ZNF367: variants seen among roughly 807,000 people sequenced by gnomAD.
ZNF367 encodes C2H2 zinc finger protein ZFF29.
In ZNF367, 11 loss-of-function variants were observed where a neutral mutation model predicts 31.8. The observed-to-expected ratio is 0.35, with a 90% CI of 0.22 to 0.57. The LOEUF (loss-of-function observed/expected upper bound fraction) is 0.57. Ranked by LOEUF, ZNF367 falls within the 20% of genes least tolerant of loss-of-function variation. ZNF367 has a pLI of 0.85. For synonymous variants in ZNF367, 199 were observed against 202.4 expected, an observed-to-expected ratio of 0.98 and a Z score of 0.14; for missense variants, 353 against 484.1, an observed-to-expected ratio of 0.73 and a Z score of 2.54.
At chr9:96,407,141 A>G in intron 1 of ZNF367, 1 of 587,450 alleles carries the variant, frequency 1.7e-6, no homozygotes. Context: ...GCAACATAGC[A>G]AGACCCCATC....
At chr9:96,400,980 C>G (rs562177841) in intron 1 of ZNF367, among the ~76,000 whole-genome samples, 19 of 152,300 alleles carry the variant, frequency 1.2e-4, no homozygotes, top group African/African-American at 4.6e-4. Context: ...AATCCCAACA[C>G]TTTGGGAGGC....
At chr9:96,389,522 G>A (rs67022147) in intron 4 of ZNF367, among the ~76,000 whole-genome samples, 4,237 of 151,856 alleles carry the variant, frequency 0.028, 73 homozygotes, top group Middle Eastern at 0.058. Context: ...GGGACAGGGA[G>A]GAATGTGTAG....
intron 1 of ZNF367, chr9:96,407,188 GCC>G: frequency 1.4e-6 from 1 of 693,796 alleles, no homozygotes; most frequent in Non-Finnish European, 2.6e-6. Context: ...TCCTGTCCCG[GCC>G]TGCGTGGCGT....
intron 1 of ZNF367, among the ~76,000 whole-genome samples, chr9:96,399,965 C>A (rs1374175467): frequency 6.6e-6 from 1 of 152,132 alleles, no homozygotes; most frequent in Non-Finnish European, 1.5e-5. Context: ...ACAACAAAAA[C>A]TCAGAAGGAA....
chr9:96,404,623 G>A (rs1255257801), intron 1 of ZNF367, among the ~76,000 whole-genome samples: 14 of 142,260 alleles, frequency 9.8e-5, no homozygotes, highest in Non-Finnish European at 1.4e-4. Flanking sequence ...GCAACAAAGC[G>A]AGCCTCCGTC....
intron 4 of ZNF367, among the ~76,000 whole-genome samples, chr9:96,389,093 T>G (rs541977365): frequency 1.3e-5 from 2 of 151,594 alleles, no homozygotes; most frequent in Admixed American, 1.3e-4. Context: ...AGGTCAAGAG[T>G]TCAAAACCAG....
chr9:96,416,456 T>G (rs1395243828), intron 1 of ZNF367, among the ~76,000 whole-genome samples: 1 of 152,222 alleles, frequency 6.6e-6, no homozygotes, highest in African/African-American at 2.4e-5. Flanking sequence ...ACCTATAGTT[T>G]TATAACCTTA....
chr9:96,397,680 A>G (rs1831548841), intron 2 of ZNF367, among the ~76,000 whole-genome samples: 1 of 152,222 alleles, frequency 6.6e-6, no homozygotes, highest in Admixed American at 6.5e-5. Flanking sequence ...ACTCTCCACC[A>G]AAAAGAAACT....
chr9:96,403,539 A>G (rs1006184088), intron 1 of ZNF367, among the ~76,000 whole-genome samples: 1 of 152,084 alleles, frequency 6.6e-6, no homozygotes, highest in African/African-American at 2.4e-5. Context: ...GAATTATAGG[A>G]GGCTCCAAAT....
At chr9:96,399,004 G>A (rs1831567298) in intron 1 of ZNF367, among the ~76,000 whole-genome samples, 1 of 152,058 alleles carries the variant, frequency 6.6e-6, no homozygotes, top group Non-Finnish European at 1.5e-5. Context: ...AGCCACCTGG[G>A]GCAAAAGATT....
intron 1 of ZNF367, among the ~76,000 whole-genome samples, chr9:96,404,199 G>T (rs111410124): frequency 6.7e-6 from 1 of 150,374 alleles, no homozygotes; most frequent in East Asian, 2.0e-4. Flanking sequence ...GGTGGCTCAC[G>T]CCTGTAATCC....
In ZNF367 at chr9:96,407,627, C is replaced by G. The variant is rs879220907; in HGVS notation, c.421-9313G>C. 23 of 1,450,456 alleles carry G rather than the reference C, an allele frequency of 1.6e-5. No homozygotes were observed. In the South Asian group the frequency reaches 2.0e-4, roughly 12 times the overall value. 89.8% of individuals were successfully genotyped at this position (1,450,456 alleles called of 1,614,324 possible). On this transcript the variant is annotated intron_variant, in intron 1 of 4. Coordinates refer to ENST00000375256, the MANE Select transcript of ZNF367 (RefSeq NM_153695.4). ...ATTAAACAGAAACGAAAAGAGAAGG[C>G]GGGAAAATGGGAAGTCCCTCTGCCT...
chr9:96,405,188 G>A (rs1226113852), intron 1 of ZNF367, among the ~76,000 whole-genome samples: 2 of 151,896 alleles, frequency 1.3e-5, no homozygotes, highest in African/African-American at 4.8e-5. Context: ...CAGGCATGAT[G>A]GCGAGTGCCT....
At chr9:96,390,710 C>T (rs533409255) in intron 4 of ZNF367, among the ~76,000 whole-genome samples, 1 of 151,938 alleles carries the variant, frequency 6.6e-6, no homozygotes, top group South Asian at 2.1e-4. Flanking sequence ...GTGACAAGAC[C>T]CAGTCTCTAC....
chr9:96,400,694 G>A (rs574872519), intron 1 of ZNF367, among the ~76,000 whole-genome samples: 18 of 152,244 alleles, frequency 1.2e-4, no homozygotes, highest in Non-Finnish European at 2.4e-4. Context: ...CAGAGTCTAA[G>A]ATGCCTATGG....
intron 1 of ZNF367, among the ~76,000 whole-genome samples, chr9:96,416,740 A>G (rs1450554028): frequency 6.6e-6 from 1 of 152,178 alleles, no homozygotes; most frequent in Non-Finnish European, 1.5e-5. Flanking sequence ...GAGCACCTTT[A>G]TTGAGCATTT....
At chr9:96,410,207 C>T (rs1831725307) in intron 1 of ZNF367, among the ~76,000 whole-genome samples, 1 of 147,382 alleles carries the variant, frequency 6.8e-6, no homozygotes, top group Admixed American at 6.9e-5. Context: ...TTGCAGTGGC[C>T]GAGATCGCAC....
intron 1 of ZNF367, among the ~76,000 whole-genome samples, chr9:96,415,954 C>A (rs889290693): frequency 6.6e-6 from 1 of 151,706 alleles, no homozygotes; most frequent in African/African-American, 2.4e-5. Context: ...AGGTGCAGGC[C>A]GCCAGATGCG....
chr9:96,414,543 T>C (rs1034148434), intron 1 of ZNF367, among the ~76,000 whole-genome samples: 2 of 152,312 alleles, frequency 1.3e-5, no homozygotes, highest in Admixed American at 6.5e-5. Context: ...AGTTGCACGA[T>C]CTCGGCTCAC....
Sources: gnomAD v4.1 joint callset for allele counts (sites outside exome capture counted in the v4.1 genomes callset) on GRCh38, gnomAD v4.1.1 for gene constraint, MANE v1.5 for transcripts, NCBI Gene and HGNC (gene_info 2026-07-23, HGNC 2026-07-21) for gene names.